PRELID2: variants seen among roughly 807,000 people sequenced by gnomAD.
PRELID2 encodes the protein PRELI domain-containing protein 2.
In PRELID2, 25 loss-of-function variants were observed where a neutral mutation model predicts 28.4. That is an observed-to-expected ratio of 0.88 (90% CI 0.64 to 1.23). The LOEUF is 1.23. PRELID2 is among the 50% of genes most tolerant of loss of function. The pLI, the probability that PRELID2 is intolerant of heterozygous loss-of-function variation, is 0.00. For missense variants in PRELID2, 201 were observed against 214.4 expected, an observed-to-expected ratio of 0.94 and a Z score of 0.39; for synonymous variants, 76 against 71.6, an observed-to-expected ratio of 1.06 and a Z score of -0.31.
intron 1 of PRELID2, among the ~76,000 whole-genome samples, chr5:145,481,738 G>C (rs1230465563): frequency 6.6e-6 from 1 of 151,320 alleles, no homozygotes; most frequent in Non-Finnish European, 1.5e-5. Context: ...CTTATGCTTG[G>C]CTCTGGAATC....
At chr5:145,451,125 T>G in the PRELID2 span, 4 of 152,236 alleles carry the variant, frequency 2.6e-5, no homozygotes, top group Non-Finnish European at 5.9e-5. Flanking sequence ...CTTCTCAAAA[T>G]TTCTGTGTGT....
At chr5:145,408,410 T>TATATGTATGTATAATATATATGTATAAC in the PRELID2 span, among the ~76,000 whole-genome samples, 2 of 138,232 alleles carry the variant, frequency 1.4e-5, no homozygotes, top group African/African-American at 5.1e-5. Flanking sequence ...TATATATATA[T>TATATGTATGTATAATATATATGTATAAC]ATATATATGT....
the PRELID2 span, among the ~76,000 whole-genome samples, chr5:145,264,969 TAA>T: frequency 0.11 from 6,253 of 56,454 alleles, 322 homozygotes; most frequent in African/African-American, 0.25. Flanking sequence ...AGTGCAACTC[TAA>T]AAAAAAAAAA....
chr5:145,282,382 G>A, the PRELID2 span, among the ~76,000 whole-genome samples: 1 of 152,024 alleles, frequency 6.6e-6, no homozygotes, highest in African/African-American at 2.4e-5. Flanking sequence ...ATAATCTCCT[G>A]TGCTTATTAT....
At chr5:145,655,920 A>C (rs1754385060) in intron 1 of PRELID2, among the ~76,000 whole-genome samples, 2 of 152,232 alleles carry the variant, frequency 1.3e-5, no homozygotes, top group African/African-American at 4.8e-5. Flanking sequence ...TAAATTAAAG[A>C]GCTTCTGCAC....
intron 1 of PRELID2, among the ~76,000 whole-genome samples, chr5:145,515,679 A>C (rs1301807417): frequency 1.3e-5 from 2 of 152,176 alleles, no homozygotes; most frequent in Non-Finnish European, 2.9e-5. Flanking sequence ...CTTGGCAGAG[A>C]CAAGAAAACA....
chr5:145,547,170 A>G (rs1358935312), intron 1 of PRELID2, among the ~76,000 whole-genome samples: 2 of 152,212 alleles, frequency 1.3e-5, no homozygotes, highest in Non-Finnish European at 1.5e-5. Flanking sequence ...AGCTAATTAG[A>G]AAACATTGCT....
chr5:145,439,059 A>G, the PRELID2 span, among the ~76,000 whole-genome samples: 6 of 152,046 alleles, frequency 3.9e-5, no homozygotes, highest in Non-Finnish European at 8.8e-5. Flanking sequence ...TTGCTCAAAA[A>G]CACTTCCTTG....
the PRELID2 span, among the ~76,000 whole-genome samples, chr5:145,338,710 T>C: frequency 6.6e-6 from 1 of 152,220 alleles, no homozygotes; most frequent in Non-Finnish European, 1.5e-5. Flanking sequence ...TCCTACCACA[T>C]GCTATTTGAT....
intron 1 of PRELID2, among the ~76,000 whole-genome samples, chr5:145,495,660 A>G (rs907960732): frequency 6.6e-6 from 1 of 152,188 alleles, no homozygotes; most frequent in Non-Finnish European, 1.5e-5. Flanking sequence ...GCTAGAAAAC[A>G]GGGATAATGT....
At chr5:145,683,345 G>A (rs1330338728) in intron 1 of PRELID2, among the ~76,000 whole-genome samples, 1 of 152,148 alleles carries the variant, frequency 6.6e-6, no homozygotes, top group Non-Finnish European at 1.5e-5. Context: ...TATTGAACAT[G>A]ATAGTCCAAA....
At chr5:145,326,128 C>T in the PRELID2 span, among the ~76,000 whole-genome samples, 1 of 152,112 alleles carries the variant, frequency 6.6e-6, no homozygotes, top group African/African-American at 2.4e-5. Context: ...CCATCTCAGC[C>T]TAAGTACCTA....
the PRELID2 span, among the ~76,000 whole-genome samples, chr5:145,418,974 G>A: frequency 6.7e-6 from 1 of 148,806 alleles, no homozygotes; most frequent in Non-Finnish European, 1.5e-5. Flanking sequence ...GTGAGAATAT[G>A]TGGTGTTTGG....
At chr5:145,593,152 T>C (rs1012518308) in intron 1 of PRELID2, among the ~76,000 whole-genome samples, 8 of 152,110 alleles carry the variant, frequency 5.3e-5, no homozygotes, top group African/African-American at 1.7e-4. Flanking sequence ...ATCAGTAAAA[T>C]TCATGATATA....
the PRELID2 span, among the ~76,000 whole-genome samples, chr5:145,305,348 A>G: frequency 6.6e-6 from 1 of 152,222 alleles, no homozygotes; most frequent in South Asian, 2.1e-4. Context: ...TGGCAAGTAG[A>G]AATTAAGATT....
chr5:145,620,002 C>A (rs1753752263), intron 1 of PRELID2, among the ~76,000 whole-genome samples: 2 of 152,136 alleles, frequency 1.3e-5, no homozygotes, highest in Admixed American at 1.3e-4. Context: ...TCATCAAAGA[C>A]TATTGTAAAT....
chr5:145,549,982 G>A (rs150261246), intron 1 of PRELID2, among the ~76,000 whole-genome samples: 1 of 152,248 alleles, frequency 6.6e-6, no homozygotes, highest in African/African-American at 2.4e-5. Context: ...CCTGCCACAA[G>A]GGAGGCATTG....
intron 1 of PRELID2, among the ~76,000 whole-genome samples, chr5:145,703,560 C>T (rs1755466173): frequency 6.6e-6 from 1 of 152,210 alleles, no homozygotes; most frequent in African/African-American, 2.4e-5. Context: ...GGATCCCTTT[C>T]ATTGTCTTGA....
At chr5:145,649,125 T>C (rs1016625926) in intron 1 of PRELID2, among the ~76,000 whole-genome samples, 6 of 152,080 alleles carry the variant, frequency 3.9e-5, no homozygotes, top group African/African-American at 1.2e-4. Flanking sequence ...TAAAAAATAA[T>C]ACAAATAAAA....
Sources: allele counts gnomAD v4.1 joint callset (sites outside exome capture counted in the v4.1 genomes callset), GRCh38; gene constraint gnomAD v4.1.1; transcripts MANE v1.5; gene names NCBI Gene and HGNC (gene_info 2026-07-23, HGNC 2026-07-21).